Variants in ADAM18 observed in about 807,000 individuals in gnomAD.
The protein encoded by ADAM18 is disintegrin and metalloproteinase domain-containing protein 18.
In ADAM18, 117 loss-of-function variants were observed where a neutral mutation model predicts 94.4. That is an observed-to-expected ratio of 1.24 (90% CI 1.07 to 1.45). ADAM18 has a LOEUF of 1.45. Among genes scored for constraint, ADAM18 ranks in the 40% most tolerant of loss-of-function variants. The pLI is 0.00. For missense variants in ADAM18, 936 were observed against 880.0 expected (o/e 1.06, Z -0.81); for synonymous variants, 327 against 291.6 (o/e 1.12, Z -1.24).
intron 6 of ADAM18, among the ~76,000 whole-genome samples, chr8:39,616,128 C>G (rs1245297280): frequency 3.9e-5 from 6 of 152,062 alleles, no homozygotes; most frequent in Non-Finnish European, 5.9e-5. Flanking sequence ...AATGGGCCAG[C>G]CACAGTGGCT....
At position 39,584,687 on chromosome 8, in the gene ADAM18, T is replaced by C. The variant is rs745708072; in HGVS notation, c.55+10T>C. 3 of 1,612,656 alleles carry C rather than the reference T, an allele frequency of 1.9e-6. No individual in the cohort carries two copies. Among genetic ancestry groups the C allele is most frequent in the South Asian group, 2.2e-5 (2 of 91,088 alleles). On this transcript the variant is annotated intron_variant, in intron 1 of 19. Coordinates refer to ENST00000265707, the MANE Select transcript of ADAM18 (RefSeq NM_014237.3). ...CTGCAAGCCCACGAAGGTAAGTCCA[T>C]GGGAGCCTCCCCTTTCTTCTTCGAC... is the stretch of plus-strand genomic sequence containing the variant.
intron 2 of ADAM18, among the ~76,000 whole-genome samples, chr8:39,599,213 G>A (rs755103179): frequency 1.2e-4 from 18 of 152,152 alleles, no homozygotes; most frequent in Admixed American, 2.0e-4. Context: ...CAAGTGTTGC[G>A]TTACCTTTGC....
chr8:39,699,919 T>C (rs1822017687), intron 17 of ADAM18, among the ~76,000 whole-genome samples: 2 of 152,150 alleles, frequency 1.3e-5, no homozygotes, highest in Non-Finnish European at 2.9e-5. Flanking sequence ...CTGTGCAATT[T>C]TTTCAGAAAT....
At chr8:39,663,916 C>T (rs759252137) in intron 13 of ADAM18, 26 bp downstream of exon 13, 7 of 1,470,916 alleles carry the variant, frequency 4.8e-6, no homozygotes, top group Non-Finnish European at 6.6e-6. Context: ...TCATTAAAAG[C>T]AAATTGAACT....
intron 2 of ADAM18, among the ~76,000 whole-genome samples, chr8:39,588,450 G>A (rs1269014277): frequency 6.6e-6 from 1 of 152,122 alleles, no homozygotes; most frequent in Non-Finnish European, 1.5e-5. Flanking sequence ...TTGAGTTGTA[G>A]AAGGTCCTTT....
At chr8:39,591,248 CAAT>C (rs757831849) in intron 2 of ADAM18, among the ~76,000 whole-genome samples, 1 of 152,082 alleles carries the variant, frequency 6.6e-6, no homozygotes, top group Admixed American at 6.6e-5. Context: ...TAAAATAAGA[CAAT>C]GATGAAGTTT....
At chr8:39,693,776 A>G (rs1821846140) in intron 17 of ADAM18, among the ~76,000 whole-genome samples, 1 of 151,230 alleles carries the variant, frequency 6.6e-6, no homozygotes, top group South Asian at 2.1e-4. Context: ...TTATATTTCT[A>G]CATATGTTAT....
intron 6 of ADAM18, among the ~76,000 whole-genome samples, chr8:39,624,735 C>G (rs186999035): frequency 6.6e-6 from 1 of 152,268 alleles, no homozygotes; most frequent in Admixed American, 6.5e-5. Context: ...ACACCATCCT[C>G]CTAGTGCTGT....
At chr8:39,620,409 TG>T (rs1819580647) in intron 6 of ADAM18, among the ~76,000 whole-genome samples, 1 of 78,958 alleles carries the variant, frequency 1.3e-5, no homozygotes, top group African/African-American at 4.7e-5. Context: ...AAAGAAAAAA[TG>T]TAAAAAAAAA....
intron 10 of ADAM18, among the ~76,000 whole-genome samples, chr8:39,639,466 T>C (rs553408836): frequency 6.6e-6 from 1 of 152,108 alleles, no homozygotes; most frequent in East Asian, 1.9e-4. Flanking sequence ...TTCTTAAAAA[T>C]ACGCCCATGA....
At chr8:39,669,366 A>G (rs1354744000) in intron 14 of ADAM18, among the ~76,000 whole-genome samples, 2 of 150,310 alleles carry the variant, frequency 1.3e-5, no homozygotes, top group Non-Finnish European at 1.5e-5. Flanking sequence ...CACAACATGC[A>G]GGTTTGTTAT....
At chr8:39,599,306 A>G (rs1818834659) in intron 2 of ADAM18, among the ~76,000 whole-genome samples, 1 of 152,210 alleles carries the variant, frequency 6.6e-6, no homozygotes, top group Non-Finnish European at 1.5e-5. Flanking sequence ...ATGTATAAAA[A>G]TAATTATTTT....
At chr8:39,710,994 G>C (rs2129581456) in intron 18 of ADAM18, among the ~76,000 whole-genome samples, 1 of 152,300 alleles carries the variant, frequency 6.6e-6, no homozygotes, top group South Asian at 2.1e-4. Flanking sequence ...TGTAAAAGCA[G>C]TGCTCCAGCA....
At chr8:39,637,496 A>G in intron 8 of ADAM18, 41 bp from the exon 9 acceptor site, 1 of 1,514,292 alleles carries the variant, frequency 6.6e-7, no homozygotes, top group Non-Finnish European at 9.0e-7. Context: ...TAAATGTAAT[A>G]ACTTGTTTCT....
intron 19 of ADAM18, among the ~76,000 whole-genome samples, chr8:39,726,271 C>A (rs533229712): frequency 1.3e-5 from 2 of 150,158 alleles, no homozygotes; most frequent in South Asian, 2.1e-4. Flanking sequence ...CACACACACA[C>A]ACACATTTGT....
chr8:39,713,484 A>G (rs991167579), intron 18 of ADAM18, among the ~76,000 whole-genome samples: 1 of 152,168 alleles, frequency 6.6e-6, no homozygotes, highest in Non-Finnish European at 1.5e-5. Flanking sequence ...AAAAGAAACT[A>G]CCATCCAGGT....
chr8:39,656,798 C>A (rs1010898215), intron 12 of ADAM18, among the ~76,000 whole-genome samples: 2 of 152,062 alleles, frequency 1.3e-5, no homozygotes, highest in Non-Finnish European at 2.9e-5. Context: ...ATTTACTAAT[C>A]GCTAATAAAT....
intron 12 of ADAM18, among the ~76,000 whole-genome samples, chr8:39,655,119 G>A (rs1252077524): frequency 6.6e-6 from 1 of 151,840 alleles, no homozygotes; most frequent in African/African-American, 2.4e-5. Flanking sequence ...ATTTCCCGTA[G>A]TGTTTCCACA....
At chr8:39,664,484 A>G (rs1820936802) in intron 13 of ADAM18, among the ~76,000 whole-genome samples, 4 of 152,156 alleles carry the variant, frequency 2.6e-5, no homozygotes, top group Admixed American at 2.6e-4. Context: ...TGATGATTCT[A>G]TTCTTTAGTG....
Sources: gnomAD v4.1 joint callset for allele counts (sites outside exome capture counted in the v4.1 genomes callset) on GRCh38, gnomAD v4.1.1 for gene constraint, MANE v1.5 for transcripts, NCBI Gene and HGNC (gene_info 2026-07-23, HGNC 2026-07-21) for gene names.